RASGEF1A: variants seen among roughly 807,000 people sequenced by gnomAD.
The protein encoded by RASGEF1A is ras-GEF domain-containing family member 1A.
Under a neutral mutation model 56.4 loss-of-function variants are expected in RASGEF1A, and 18 were observed. The ratio of observed to expected loss-of-function variants is 0.32; its 90% CI spans 0.22 to 0.47. The LOEUF (loss-of-function observed/expected upper bound fraction) is 0.47. Among genes scored for constraint, RASGEF1A ranks in the 20% least tolerant of loss-of-function variants. The pLI, the probability that RASGEF1A is intolerant of heterozygous loss-of-function variation, is 1.00. For synonymous variants in RASGEF1A, 245 were observed against 242.6 expected, an observed-to-expected ratio of 1.01 and a Z score of -0.09; for missense variants, 422 against 627.1, an observed-to-expected ratio of 0.67 and a Z score of 3.49.
chr10:43,246,554 T>C lies in RASGEF1A; in HGVS notation c.-7+20291A>G, dbSNP rs534876245. 2.6e-5 allele frequency among the ~76,000 whole-genome samples: 4 copies of C among 152,288 alleles called. No homozygotes were observed. The South Asian group carries it at 8.3e-4, about 32-fold the overall frequency. The stretch of plus-strand genomic sequence containing the variant: ...AGCTACAGTAACTAAGACTGTGTGG[T>C]AATGGCATAAAAATAGACCTATAAA... On this transcript the variant is annotated intron_variant, in intron 1 of 12. Coordinates refer to ENST00000395810, the MANE Select transcript of RASGEF1A (RefSeq NM_145313.4).
At chr10:43,265,566 G>A (rs113217789) in intron 1 of RASGEF1A, among the ~76,000 whole-genome samples, 1,710 of 152,358 alleles carry the variant, frequency 0.011, 12 homozygotes, top group Middle Eastern at 0.044. Context: ...CCCCTGCTCC[G>A]GATCTCCCCT....
chr10:43,209,294 T>C (rs1347141125), intron 1 of RASGEF1A: 2 of 858,032 alleles, frequency 2.3e-6, no homozygotes, highest in African/African-American at 1.8e-5. Flanking sequence ...CGTTATTCCC[T>C]TACGCAGACG....
At chr10:43,224,065 A>G (rs1182637865) in intron 1 of RASGEF1A, among the ~76,000 whole-genome samples, 2 of 152,206 alleles carry the variant, frequency 1.3e-5, no homozygotes, top group Non-Finnish European at 2.9e-5. Flanking sequence ...TTTAGAACCC[A>G]AAAAGACCAA....
intron 1 of RASGEF1A, among the ~76,000 whole-genome samples, chr10:43,229,409 G>T (rs1840329348): frequency 6.6e-6 from 1 of 152,214 alleles, no homozygotes; most frequent in African/African-American, 2.4e-5. Flanking sequence ...TGCTCTCGGC[G>T]TCCGCGGGCC....
chr10:43,197,230 C>A (rs890152244), intron 10 of RASGEF1A, 131 bp from the exon 11 acceptor site: 15 of 1,075,342 alleles, frequency 1.4e-5, no homozygotes, highest in Non-Finnish European at 2.0e-5. Flanking sequence ...GGGACAGTGG[C>A]CCTGCACGCT....
intron 2 of RASGEF1A, among the ~76,000 whole-genome samples, chr10:43,205,423 C>CAGTG (rs1035611321): frequency 4.6e-4 from 70 of 152,148 alleles, no homozygotes; most frequent in Admixed American, 3.9e-3. Context: ...TCAGCCTGAA[C>CAGTG]AGTGCTCTGC....
At chr10:43,262,369 G>C (rs1310273451) in intron 1 of RASGEF1A, among the ~76,000 whole-genome samples, 1 of 152,112 alleles carries the variant, frequency 6.6e-6, no homozygotes, top group Non-Finnish European at 1.5e-5. Context: ...CAACAAACAG[G>C]GTGCTGGCCT....
At chr10:43,252,256 C>T (rs1442214454) in intron 1 of RASGEF1A, among the ~76,000 whole-genome samples, 1 of 152,220 alleles carries the variant, frequency 6.6e-6, no homozygotes, top group African/African-American at 2.4e-5. Context: ...GTGGACACAT[C>T]TTTAGTTTCA....
At chr10:43,208,013 C>T (rs1840019956) in intron 1 of RASGEF1A, 2 of 979,328 alleles carry the variant, frequency 2.0e-6, no homozygotes, top group Non-Finnish European at 2.4e-6. Flanking sequence ...TATCCTATCG[C>T]TGGCCCAGGG....
intron 1 of RASGEF1A, among the ~76,000 whole-genome samples, chr10:43,223,064 A>G (rs1177028874): frequency 6.6e-6 from 1 of 152,178 alleles, no homozygotes; most frequent in Non-Finnish European, 1.5e-5. Flanking sequence ...TGCCCAGGAA[A>G]CACAGTGAGC....
At chr10:43,248,904 G>A (rs1188377129) in intron 1 of RASGEF1A, among the ~76,000 whole-genome samples, 2 of 140,530 alleles carry the variant, frequency 1.4e-5, no homozygotes, top group Admixed American at 7.2e-5. Flanking sequence ...TACTAAACAG[G>A]GAAACACACA....
chr10:43,201,157 G>T (rs1441098012), intron 4 of RASGEF1A, among the ~76,000 whole-genome samples: 1 of 152,228 alleles, frequency 6.6e-6, no homozygotes, highest in Non-Finnish European at 1.5e-5. Flanking sequence ...TTCTGGGTCT[G>T]AAAAGCATGG....
intron 1 of RASGEF1A, among the ~76,000 whole-genome samples, chr10:43,246,261 G>A (rs1840566262): frequency 6.6e-6 from 1 of 152,168 alleles, no homozygotes; most frequent in Non-Finnish European, 1.5e-5. Flanking sequence ...AGAAATTAAT[G>A]TAGACTTAAA....
intron 3 of RASGEF1A, chr10:43,202,648 G>GC (rs1207600754): frequency 1.7e-5 from 8 of 459,764 alleles, no homozygotes; most frequent in Non-Finnish European, 3.1e-5. Flanking sequence ...CCCGCCCCCG[G>GC]CCCCCGCACC....
chr10:43,214,953 C>A, intron 1 of RASGEF1A, among the ~76,000 whole-genome samples: 1 of 152,170 alleles, frequency 6.6e-6, no homozygotes, highest in African/African-American at 2.4e-5. Context: ...CCGTAATGTG[C>A]AGGACTGCCC....
At chr10:43,264,467 C>A (rs764052401) in intron 1 of RASGEF1A, among the ~76,000 whole-genome samples, 1 of 151,658 alleles carries the variant, frequency 6.6e-6, no homozygotes, top group Non-Finnish European at 1.5e-5. Context: ...CCCCTCCCTC[C>A]GCACATCACA....
At chr10:43,256,654 C>G (rs983457753) in intron 1 of RASGEF1A, among the ~76,000 whole-genome samples, 5 of 152,218 alleles carry the variant, frequency 3.3e-5, no homozygotes, top group Non-Finnish European at 5.9e-5. Context: ...ACACAGTCTC[C>G]CGTCCCTGGT....
intron 1 of RASGEF1A, among the ~76,000 whole-genome samples, chr10:43,230,088 C>A (rs1022100359): frequency 6.6e-6 from 1 of 152,116 alleles, no homozygotes; most frequent in Non-Finnish European, 1.5e-5. Context: ...GGGGGCGCAG[C>A]GTGGGTCGGG....
chr10:43,214,568 C>T (rs1840109624), intron 1 of RASGEF1A, among the ~76,000 whole-genome samples: 1 of 152,190 alleles, frequency 6.6e-6, no homozygotes, highest in African/African-American at 2.4e-5. Flanking sequence ...ACCAGCCCCA[C>T]CACAGCAGAG....
Sources: gnomAD v4.1 joint callset for allele counts (sites outside exome capture counted in the v4.1 genomes callset) on GRCh38, gnomAD v4.1.1 for gene constraint, MANE v1.5 for transcripts, NCBI Gene and HGNC (gene_info 2026-07-23, HGNC 2026-07-21) for gene names.